PALM2AKAP2: variants seen among roughly 807,000 people sequenced by gnomAD.
The protein encoded by PALM2AKAP2 is PALM2 and AKAP2 fusion.
PALM2AKAP2 carries 37 observed loss-of-function variants against 71.5 expected under a neutral mutation model. The ratio of observed to expected loss-of-function variants is 0.52; its 90% CI spans 0.40 to 0.68. The LOEUF is 0.68. Among genes scored for constraint, PALM2AKAP2 ranks in the 30% least tolerant of loss-of-function variants. The pLI, the probability that PALM2AKAP2 is intolerant of heterozygous loss-of-function variation, is 0.00. For synonymous variants in PALM2AKAP2, 468 were observed against 478.8 expected (o/e 0.98, Z 0.29); for missense variants, 1,224 against 1,191.8 (o/e 1.03, Z -0.40).
At chr9:109,862,614 A>G (rs983529273) in intron 1 of PALM2AKAP2, among the ~76,000 whole-genome samples, 2 of 152,318 alleles carry the variant, frequency 1.3e-5, no homozygotes, top group African/African-American at 4.8e-5. Flanking sequence ...ACGAGGTAGC[A>G]TGATTGGCCT....
chr9:109,875,405 G>T (rs143375419), intron 2 of PALM2AKAP2, among the ~76,000 whole-genome samples: 1 of 152,326 alleles, frequency 6.6e-6, no homozygotes, highest in East Asian at 1.9e-4. Flanking sequence ...TTGAGTGAGA[G>T]TAGGGACTTG....
At chr9:109,700,616 G>A (rs905150698) in intron 1 of PALM2AKAP2, among the ~76,000 whole-genome samples, 1 of 152,018 alleles carries the variant, frequency 6.6e-6, no homozygotes, top group South Asian at 2.1e-4. Flanking sequence ...AATTCCTCTC[G>A]GATAGATTGC....
intron 1 of PALM2AKAP2, among the ~76,000 whole-genome samples, chr9:109,706,256 A>G (rs1263705913): frequency 1.3e-5 from 2 of 152,246 alleles, no homozygotes; most frequent in African/African-American, 4.8e-5. Flanking sequence ...TTGATTCCTC[A>G]GTAATACTCA....
At chr9:109,967,505 G>C (rs988746842) in intron 6 of PALM2AKAP2, among the ~76,000 whole-genome samples, 2 of 152,016 alleles carry the variant, frequency 1.3e-5, no homozygotes, top group African/African-American at 4.8e-5. Context: ...CACTTGCTGG[G>C]TTCAAGTGAT....
chr9:110,022,479 C>G (rs1833089857), intron 7 of PALM2AKAP2, among the ~76,000 whole-genome samples: 1 of 152,168 alleles, frequency 6.6e-6, no homozygotes, highest in South Asian at 2.1e-4. Flanking sequence ...CCTTGATCTT[C>G]CTGCTCTCCC....
At chr9:109,880,607 AGAG>A (rs1829824059) in exon 3 of PALM2AKAP2, 5 of 1,613,866 alleles carry the variant, frequency 3.1e-6, no homozygotes, top group Non-Finnish European at 4.2e-6. Flanking sequence ...GAACTGCCGA[AGAG>A]GAGGAAGCCA....
chr9:109,653,124 A>T (rs186921549), intron 1 of PALM2AKAP2, among the ~76,000 whole-genome samples: 31 of 152,322 alleles, frequency 2.0e-4, no homozygotes, highest in African/African-American at 7.2e-4. Flanking sequence ...CACTATGACT[A>T]ATGCTGCCTC....
chr9:109,882,129 C>T (rs775792416), intron 3 of PALM2AKAP2, among the ~76,000 whole-genome samples: 13 of 152,024 alleles, frequency 8.6e-5, no homozygotes, highest in Non-Finnish European at 1.5e-4. Context: ...GTGATCCACC[C>T]GCCTTGGCCT....
intron 1 of PALM2AKAP2, among the ~76,000 whole-genome samples, chr9:109,762,406 C>A (rs139472584): frequency 1.1e-4 from 16 of 152,292 alleles, no homozygotes; most frequent in Admixed American, 9.1e-4. Flanking sequence ...CACCCTGGAA[C>A]TTTCCAATGA....
chr9:109,662,397 A>G lies in PALM2AKAP2; in HGVS notation c.5+21531A>G, dbSNP rs189079375. Among the ~76,000 whole-genome samples the G allele has an allele frequency of 4.7e-3, 719 of 152,294 alleles. 9 individuals carry two copies. The highest frequency in any genetic ancestry group is 0.016 in the African/African-American group (685 of 41,570). ...CTGAAGCGCTGTTGAATTTTGTCAA[A>G]GGCCTTTTCTGCATCTATTGAGATA... On this transcript the variant is annotated intron_variant, in intron 1 of 6. Coordinates refer to the PALM2AKAP2 transcript ENST00000374531.
chr9:109,697,559 A>G (rs1587871909), intron 1 of PALM2AKAP2, among the ~76,000 whole-genome samples: 1 of 152,230 alleles, frequency 6.6e-6, no homozygotes, highest in Non-Finnish European at 1.5e-5. Flanking sequence ...GAAACAAAGC[A>G]TTAGTAGTAT....
chr9:109,795,543 T>C (rs1263495151), intron 1 of PALM2AKAP2, among the ~76,000 whole-genome samples: 2 of 152,232 alleles, frequency 1.3e-5, no homozygotes, highest in African/African-American at 4.8e-5. Context: ...TCAGCTCCTA[T>C]GTGAACTCTA....
At chr9:110,053,178 TAGG>T (rs1374635488) in intron 1 of PALM2AKAP2, among the ~76,000 whole-genome samples, 2 of 152,260 alleles carry the variant, frequency 1.3e-5, no homozygotes, top group Middle Eastern at 3.4e-3. Context: ...GTCTCCCATC[TAGG>T]AGGACCAGGG....
intron 1 of PALM2AKAP2, among the ~76,000 whole-genome samples, chr9:110,106,440 A>G (rs1354520967): frequency 2.0e-5 from 3 of 152,224 alleles, no homozygotes; most frequent in African/African-American, 7.2e-5. Flanking sequence ...CCATACTCTT[A>G]ACCACCTCAA....
chr9:110,137,803 T>C, exon 2 of PALM2AKAP2: 1 of 1,614,114 alleles, frequency 6.2e-7, no homozygotes, highest in Non-Finnish European at 8.5e-7. Flanking sequence ...CTGATTTTTC[T>C]CTGCCCCAGA....
chr9:110,007,021 G>C (rs543590407), intron 6 of PALM2AKAP2, among the ~76,000 whole-genome samples: 1 of 152,132 alleles, frequency 6.6e-6, no homozygotes, highest in Non-Finnish European at 1.5e-5. Flanking sequence ...GTGAGACTTT[G>C]GGGGTTCAGC....
At chr9:109,989,953 A>C (rs1420682381) in intron 6 of PALM2AKAP2, among the ~76,000 whole-genome samples, 1 of 152,244 alleles carries the variant, frequency 6.6e-6, no homozygotes, top group Admixed American at 6.5e-5. Context: ...AGGGGAAAAC[A>C]TAGTTACTTC....
At chr9:110,023,185 AG>A (rs1266361989) in intron 7 of PALM2AKAP2, among the ~76,000 whole-genome samples, 1 of 151,810 alleles carries the variant, frequency 6.6e-6, no homozygotes, top group Non-Finnish European at 1.5e-5. Flanking sequence ...ACTAGTTTAC[AG>A]TCCCACCAAC....
chr9:109,711,968 C>T, intron 1 of PALM2AKAP2, among the ~76,000 whole-genome samples: 1 of 150,778 alleles, frequency 6.6e-6, no homozygotes, highest in East Asian at 1.9e-4. Context: ...ATCCTTGTGG[C>T]ATGTGCCTGT....
Sources: allele counts gnomAD v4.1 joint callset (sites outside exome capture counted in the v4.1 genomes callset), GRCh38; gene constraint gnomAD v4.1.1; transcripts MANE v1.5; gene names NCBI Gene and HGNC (gene_info 2026-07-23, HGNC 2026-07-21).